Variants in DOCK1 observed in about 807,000 individuals in gnomAD.
DOCK1 encodes the protein dedicator of cytokinesis 1.
DOCK1 carries 138 observed loss-of-function variants against 262.7 expected under a neutral mutation model. That is an observed-to-expected ratio of 0.53 (90% confidence interval 0.46 to 0.61). DOCK1 has a LOEUF of 0.61. Among genes scored for constraint, DOCK1 ranks in the 20% least tolerant of loss-of-function variants. The pLI is 0.00. For missense variants in DOCK1, 1,908 were observed against 2,370.7 expected (o/e 0.80, Z 4.05); for synonymous variants, 866 against 867.4 (o/e 1.00, Z 0.03).
At chr10:127,101,017 G>A (rs576387009) in intron 23 of DOCK1, among the ~76,000 whole-genome samples, 58 of 152,176 alleles carry the variant, frequency 3.8e-4, no homozygotes, top group African/African-American at 1.3e-3. Flanking sequence ...AAGGCTCTGA[G>A]GAGAGAGAGA....
chr10:127,381,958 TATGG>T (rs10541699), intron 37 of DOCK1, among the ~76,000 whole-genome samples: 97,339 of 149,852 alleles, frequency 0.65, 31,656 homozygotes, highest in East Asian at 0.79. Flanking sequence ...TACAGTGACG[TATGG>T]ATGGATGGAT....
chr10:127,299,053 T>G (rs890090880), intron 29 of DOCK1, among the ~76,000 whole-genome samples: 1 of 152,192 alleles, frequency 6.6e-6, no homozygotes, highest in Non-Finnish European at 1.5e-5. Context: ...ATAGGGTCTT[T>G]GCAGATATAA....
chr10:127,331,286 T>G (rs2766061), intron 29 of DOCK1, among the ~76,000 whole-genome samples: 102,842 of 151,970 alleles, frequency 0.68, 36,417 homozygotes, highest in African/African-American at 0.9. Context: ...TTTGTTTTTT[T>G]TTGTTGTTGT....
At chr10:127,156,655 G>A (rs1311127212) in intron 27 of DOCK1, among the ~76,000 whole-genome samples, 12 of 128,902 alleles carry the variant, frequency 9.3e-5, no homozygotes, top group South Asian at 5.5e-4. Flanking sequence ...CACAACCTCC[G>A]CCTCCTGGGT....
intron 46 of DOCK1, among the ~76,000 whole-genome samples, chr10:127,422,297 G>T (rs1246618316): frequency 6.7e-6 from 1 of 149,680 alleles, no homozygotes; most frequent in East Asian, 2.0e-4. Flanking sequence ...CTCCCGAGTA[G>T]CTGGGACTAC....
chr10:127,082,209 A>T (rs934487216), intron 23 of DOCK1, among the ~76,000 whole-genome samples: 2 of 152,208 alleles, frequency 1.3e-5, no homozygotes, highest in African/African-American at 4.8e-5. Context: ...CCTTTCTCAC[A>T]GTCATCTTCT....
chr10:127,278,842 G>GT (rs1490880701), intron 29 of DOCK1, among the ~76,000 whole-genome samples: 1 of 152,228 alleles, frequency 6.6e-6, no homozygotes, highest in African/African-American at 2.4e-5. Flanking sequence ...GGGGATCAGA[G>GT]TGACAGTGTT....
intron 40 of DOCK1, among the ~76,000 whole-genome samples, chr10:127,405,032 C>T (rs1490091390): frequency 6.6e-6 from 1 of 152,186 alleles, no homozygotes; most frequent in East Asian, 1.9e-4. Flanking sequence ...GAACTTTATC[C>T]TTTTTGAGGC....
intron 38 of DOCK1, among the ~76,000 whole-genome samples, chr10:127,395,522 T>C (rs188588931): frequency 1.1e-4 from 17 of 152,318 alleles, no homozygotes; most frequent in African/African-American, 1.7e-4. Flanking sequence ...GCAAAGACAT[T>C]GGAGCTAGTT....
chr10:126,978,307 A>C (rs1394222478), intron 3 of DOCK1, among the ~76,000 whole-genome samples: 1 of 152,198 alleles, frequency 6.6e-6, no homozygotes. Context: ...AAGCGACTTC[A>C]GGAAAAAAAT....
At chr10:126,926,931 TG>T (rs2033777116) in intron 1 of DOCK1, among the ~76,000 whole-genome samples, 1 of 152,168 alleles carries the variant, frequency 6.6e-6, no homozygotes, top group Non-Finnish European at 1.5e-5. Context: ...CACCAAGCTT[TG>T]GTACTTTGTG....
chr10:126,940,809 C>T (rs2034924735), intron 1 of DOCK1, among the ~76,000 whole-genome samples: 2 of 152,148 alleles, frequency 1.3e-5, no homozygotes, highest in Non-Finnish European at 2.9e-5. Context: ...TAAAATTTGA[C>T]TTGTATTGAC....
intron 23 of DOCK1, among the ~76,000 whole-genome samples, chr10:127,073,689 C>T (rs1045881069): frequency 3.9e-5 from 6 of 152,188 alleles, no homozygotes; most frequent in African/African-American, 7.2e-5. Flanking sequence ...ACAGAACCAT[C>T]GTTAACCTTC....
At chr10:127,139,977 A>C (rs2051065715) in intron 27 of DOCK1, among the ~76,000 whole-genome samples, 2 of 152,240 alleles carry the variant, frequency 1.3e-5, no homozygotes. Flanking sequence ...CAAGGAAAAC[A>C]AGAGCCTGTC....
intron 36 of DOCK1, 123 bp from the exon 37 acceptor site, chr10:127,381,155 T>C (rs2065804040): frequency 2.7e-6 from 2 of 749,742 alleles, no homozygotes. Flanking sequence ...TTTTGAATTA[T>C]GAACATTGTA....
At chr10:127,334,567 A>G (rs1255311496) in intron 29 of DOCK1, among the ~76,000 whole-genome samples, 3 of 152,234 alleles carry the variant, frequency 2.0e-5, no homozygotes, top group Non-Finnish European at 4.4e-5. Flanking sequence ...CCATTGAGCC[A>G]TTAAAAATAA....
At chr10:127,395,680 T>G (rs1590872350) in intron 38 of DOCK1, among the ~76,000 whole-genome samples, 1 of 150,626 alleles carries the variant, frequency 6.6e-6, no homozygotes, top group African/African-American at 2.5e-5. Context: ...GGAGGGAGGG[T>G]GGGAGCCAGA....
At chr10:127,004,816 A>C (rs9418670) in intron 10 of DOCK1, among the ~76,000 whole-genome samples, 1 of 121,704 alleles carries the variant, frequency 8.2e-6, no homozygotes, top group South Asian at 2.6e-4. Flanking sequence ...CACAAGCCCC[A>C]CTCCTGTCCA....
At chr10:127,407,750 C>G (rs1474571514) in intron 40 of DOCK1, among the ~76,000 whole-genome samples, 1 of 152,144 alleles carries the variant, frequency 6.6e-6, no homozygotes, top group Non-Finnish European at 1.5e-5. Context: ...TTGGGAGCAG[C>G]CAACCTGGAG....
Sources: gnomAD v4.1 joint callset for allele counts (sites outside exome capture counted in the v4.1 genomes callset) on GRCh38, gnomAD v4.1.1 for gene constraint, MANE v1.5 for transcripts, NCBI Gene and HGNC (gene_info 2026-07-23, HGNC 2026-07-21) for gene names.